CLCN5: variants seen among roughly 807,000 people sequenced by gnomAD.
The protein encoded by CLCN5 is Cl-/H+ antiporter 5.
A neutral mutation model predicts 54.0 loss-of-function variants in CLCN5; 17 were observed. That is an observed-to-expected ratio of 0.31 (90% CI 0.22 to 0.47). The LOEUF is 0.47. Ranked by LOEUF, CLCN5 falls within the 20% of genes least tolerant of loss-of-function variation. The pLI, the probability that CLCN5 is intolerant of heterozygous loss-of-function variation, is 1.00. For missense variants in CLCN5, 448 were observed against 646.7 expected (o/e 0.69, Z 3.33); for synonymous variants, 222 against 233.0 (o/e 0.95, Z 0.43).
chrX:49,955,935 C>T (rs1213234582), intron 3 of CLCN5, among the ~76,000 whole-genome samples: 1 of 111,843 alleles, frequency 8.9e-6, no homozygotes, highest in Non-Finnish European at 1.9e-5. Flanking sequence ...TCTAATGGAT[C>T]TTCAAATTGA....
chrX:49,958,756 A>G (rs1927455130), intron 3 of CLCN5, among the ~76,000 whole-genome samples: 1 of 111,349 alleles, frequency 9.0e-6, no homozygotes, highest in Non-Finnish European at 1.9e-5. Context: ...TACTCTCACT[A>G]TCTCTACATC....
rs1235950912 is a variant in CLCN5, at chrX:50,056,052, GAT to G, written c.163+13603_163+13604del. Among the ~76,000 whole-genome samples the G allele has an allele frequency of 7.5e-5, 8 of 106,443 alleles. No individual in the cohort carries two copies. The South Asian group carries it at 1.6e-3, about 22-fold the overall frequency. 92.4% of individuals were successfully genotyped at this position (106,443 alleles called of 115,157 possible). On this transcript the variant is annotated intron_variant, in intron 4 of 14. Coordinates refer to ENST00000376091, the MANE Select transcript of CLCN5 (RefSeq NM_001127898.4). ...TTCCCACATGAGATATATATATATA[GAT>G]ATATATATATATGCTTTTTTGAAAC...
intron 3 of CLCN5, among the ~76,000 whole-genome samples, chrX:50,034,050 G>C (rs150391827): frequency 0.046 from 5,198 of 112,179 alleles, 132 homozygotes; most frequent in Non-Finnish European, 0.072. Context: ...TGGAGAAAGT[G>C]CTATGGGTTA....
chrX:49,960,201 G>T (rs1194502894), intron 3 of CLCN5, among the ~76,000 whole-genome samples: 1 of 110,381 alleles, frequency 9.1e-6, no homozygotes, highest in Non-Finnish European at 1.9e-5. Context: ...ATTCCCTCAT[G>T]TCCCTCTTGT....
At chrX:49,971,508 C>T (rs1013825925) in intron 3 of CLCN5, among the ~76,000 whole-genome samples, 6 of 110,054 alleles carry the variant, frequency 5.5e-5, no homozygotes, top group Admixed American at 9.9e-5. Context: ...TTTTCAGAGA[C>T]GGTCTTTAAT....
chrX:49,960,857 TG>T (rs1214947398), intron 3 of CLCN5, among the ~76,000 whole-genome samples: 1 of 111,370 alleles, frequency 9.0e-6, no homozygotes, highest in Non-Finnish European at 1.9e-5. Context: ...CATAGGCTAA[TG>T]GGATATCTTT....
Position 50,088,718 on chromosome X carries a change from C to T in CLCN5, c.1578C>T (p.Ile526=). 2 of 1,211,444 alleles carry T rather than the reference C, an allele frequency of 1.7e-6. No individual in the cohort carries two copies. Among genetic ancestry groups the T allele is most frequent in the Non-Finnish European group, 2.2e-6 (2 of 895,116 alleles). ...FGMKIPSGLF[I]PSMAVGAIAG... is the part of the protein sequence containing the mutation. ...TGCAGATCCCTTCTGGCCTCTTTAT[C>T]CCTAGCATGGCTGTTGGTGCTATAG... Residue 526 remains isoleucine, a synonymous_variant, in exon 12 of 15, where the codon ATC becomes ATT. Coordinates refer to ENST00000376091, the MANE Select transcript of CLCN5 (RefSeq NM_001127898.4).
At chrX:50,079,691 G>C (rs1933601779) in intron 7 of CLCN5, among the ~76,000 whole-genome samples, 1 of 111,321 alleles carries the variant, frequency 9.0e-6, no homozygotes, top group Non-Finnish European at 1.9e-5. Flanking sequence ...TGAGTCTGTG[G>C]TACCAAAATT....
At chrX:50,000,388 G>A (rs563965639) in intron 3 of CLCN5, among the ~76,000 whole-genome samples, 3 of 109,945 alleles carry the variant, frequency 2.7e-5, no homozygotes, top group Non-Finnish European at 3.8e-5. Context: ...CCACAGTGGC[G>A]TGTGAACCAC....
intron 3 of CLCN5, chrX:50,003,602 C>T (rs782617945): frequency 1.2e-5 from 4 of 346,934 alleles, no homozygotes; most frequent in Admixed American, 8.8e-5. Context: ...GCTTTCCTTG[C>T]TCTCTTGTGC....
intron 3 of CLCN5, among the ~76,000 whole-genome samples, chrX:49,954,379 C>T (rs782752616): frequency 1.0e-4 from 11 of 110,526 alleles, no homozygotes; most frequent in Non-Finnish European, 1.9e-4. Context: ...TCAGCTATCG[C>T]TAATGTATTT....
At chrX:49,966,455 G>A (rs1034962816) in intron 3 of CLCN5, among the ~76,000 whole-genome samples, 14 of 108,863 alleles carry the variant, frequency 1.3e-4, no homozygotes, top group Non-Finnish European at 3.8e-5. Flanking sequence ...TTTTCAGTCT[G>A]TTCTGTCTGG....
At chrX:49,959,662 G>C (rs782785424) in intron 3 of CLCN5, among the ~76,000 whole-genome samples, 1 of 111,406 alleles carries the variant, frequency 9.0e-6, no homozygotes, top group Non-Finnish European at 1.9e-5. Flanking sequence ...ATTCTTTGAC[G>C]TGCATGCTAT....
Position 49,923,498 on chromosome X carries a change from C to T in CLCN5, c.-129+16C>T, listed in dbSNP as rs1171748446. On this transcript the variant is annotated intron_variant, in intron 2 of 14. Coordinates refer to ENST00000376091, the MANE Select transcript of CLCN5 (RefSeq NM_001127898.4). The stretch of plus-strand genomic sequence containing the variant: ...GCTGCCCCGAGTAAGTGAGGGAAAT[C>T]TAGAAGTTTGGAGCATAAAAAACCA... 3 of 112,469 alleles carry T rather than the reference C, an allele frequency of 2.7e-5. No homozygotes were observed. Among genetic ancestry groups the T allele is most frequent in the Non-Finnish European group, 5.6e-5 (3 of 53,303 alleles). 9.3% of individuals were successfully genotyped at this position (112,469 alleles called of 1,213,427 possible). A position where few individuals can be genotyped will look rare whatever the true frequency, so the allele number is the denominator to read the frequency against.
chrX:50,083,987 A>G (rs1243394203), intron 9 of CLCN5, among the ~76,000 whole-genome samples: 1 of 112,178 alleles, frequency 8.9e-6, no homozygotes, highest in Non-Finnish European at 1.9e-5. Flanking sequence ...TTCTCTCTAC[A>G]GATGCCATAT....
chrX:50,047,054 A>C (rs1001449184), intron 4 of CLCN5, among the ~76,000 whole-genome samples: 11 of 111,949 alleles, frequency 9.8e-5, no homozygotes, highest in African/African-American at 3.2e-4. Flanking sequence ...AATGTGATAG[A>C]ATAAAAAACC....
At chrX:49,959,623 A>G (rs1283591096) in intron 3 of CLCN5, among the ~76,000 whole-genome samples, 1 of 112,334 alleles carries the variant, frequency 8.9e-6, no homozygotes, top group African/African-American at 3.2e-5. Context: ...TGGTGCCAGA[A>G]TGTTGTTCAA....
chrX:50,089,657 G>A (rs1281749575), intron 12 of CLCN5, among the ~76,000 whole-genome samples: 2 of 111,898 alleles, frequency 1.8e-5, no homozygotes, highest in Admixed American at 1.9e-4. Flanking sequence ...AGGCAGAGGT[G>A]GGAGGATCAC....
intron 4 of CLCN5, among the ~76,000 whole-genome samples, chrX:50,066,692 A>G (rs1027294415): frequency 3.6e-5 from 4 of 112,033 alleles, no homozygotes; most frequent in Non-Finnish European, 7.5e-5. Context: ...TGGAAACATC[A>G]TAGTGAATTT....
Sources: allele counts gnomAD v4.1 joint callset (sites outside exome capture counted in the v4.1 genomes callset), GRCh38; gene constraint gnomAD v4.1.1; transcripts MANE v1.5; gene names NCBI Gene and HGNC (gene_info 2026-07-23, HGNC 2026-07-21).